NR2C1: variants seen among roughly 807,000 people sequenced by gnomAD.
The protein encoded by NR2C1 is TR2 nuclear hormone receptor.
Under a neutral mutation model 74.8 loss-of-function variants are expected in NR2C1, and 33 were observed. The observed-to-expected ratio is 0.44, with a 90% CI of 0.33 to 0.59. The LOEUF (loss-of-function observed/expected upper bound fraction) is 0.59, where lower values mean the gene tolerates loss of function less well. Among genes scored for constraint, NR2C1 ranks in the 20% least tolerant of loss-of-function variants. The pLI, the probability that NR2C1 is intolerant of heterozygous loss-of-function variation, is 0.02. For missense variants in NR2C1, 568 were observed against 715.6 expected (o/e 0.79, Z 2.35); for synonymous variants, 225 against 240.6 (o/e 0.94, Z 0.60).
chr12:95,068,273 A>T (rs1469946946), intron 1 of NR2C1, among the ~76,000 whole-genome samples: 1 of 152,154 alleles, frequency 6.6e-6, no homozygotes, highest in East Asian at 1.9e-4. Flanking sequence ...GGATTACGGT[A>T]CACTCTAATG....
At position 95,028,941 on chromosome 12, in the gene NR2C1, A is replaced by G. The variant is rs374122486; in HGVS notation, c.1394-417T>C. On this transcript the variant is annotated intron_variant, in intron 11 of 13. Transcript: ENST00000333003. Reference sequence around the variant, plus strand: ...ACTGTGCCTGGCCTTCCTCTCATGAATTTCAAGCTTTGAGTATAACCAATC... The same window carrying G: ...ACTGTGCCTGGCCTTCCTCTCATGAGTTTCAAGCTTTGAGTATAACCAATC... 5.9e-5 allele frequency among the ~76,000 whole-genome samples: 9 copies of G among 151,724 alleles called. No homozygotes were observed. The East Asian group carries it at 7.8e-4, about 13-fold the overall frequency.
chr12:95,060,539 C>T (rs1252417475), intron 3 of NR2C1, among the ~76,000 whole-genome samples: 1 of 152,118 alleles, frequency 6.6e-6, no homozygotes, highest in African/African-American at 2.4e-5. Context: ...CCTGTAATCC[C>T]AGCTACTTGG....
At chr12:95,043,689 C>CAAAAAAA (rs34229669) in intron 9 of NR2C1, among the ~76,000 whole-genome samples, 5 of 94,286 alleles carry the variant, frequency 5.3e-5, no homozygotes, top group African/African-American at 1.6e-4. Flanking sequence ...GACTCTGTCT[C>CAAAAAAA]AAAAAAAAAA....
intron 5 of NR2C1, 79 bp downstream of exon 5, chr12:95,058,231 C>T: frequency 8.0e-7 from 1 of 1,254,974 alleles, no homozygotes; most frequent in Non-Finnish European, 1.1e-6. Context: ...ACATATTTGA[C>T]ATATTTTGTT....
chr12:95,045,111 C>G (rs1872145003), intron 9 of NR2C1, among the ~76,000 whole-genome samples: 4 of 152,150 alleles, frequency 2.6e-5, no homozygotes, highest in Admixed American at 6.5e-5. Context: ...ATCACTTCGC[C>G]TAATTACCAG....
chr12:95,038,310 A>C (rs1871112606), intron 10 of NR2C1, among the ~76,000 whole-genome samples: 2 of 152,252 alleles, frequency 1.3e-5, no homozygotes, highest in Non-Finnish European at 2.9e-5. Flanking sequence ...TGGTGTAAAT[A>C]ATTCAAGGAG....
intron 7 of NR2C1, among the ~76,000 whole-genome samples, chr12:95,055,961 A>T (rs1873789104): frequency 6.6e-6 from 1 of 151,028 alleles, no homozygotes; most frequent in Admixed American, 6.6e-5. Flanking sequence ...TCAAAAAAAA[A>T]AAAAAAAAAA....
chr12:95,034,269 C>G (rs1870534690), intron 10 of NR2C1, among the ~76,000 whole-genome samples: 1 of 151,964 alleles, frequency 6.6e-6, no homozygotes, highest in Non-Finnish European at 1.5e-5. Flanking sequence ...GGATCACTGG[C>G]CACAAGAAAC....
At chr12:95,071,201 CAAA>C (rs779085122) in intron 1 of NR2C1, among the ~76,000 whole-genome samples, 3 of 94,016 alleles carry the variant, frequency 3.2e-5, no homozygotes, top group Admixed American at 1.2e-4. Flanking sequence ...AACTCCGTCT[CAAA>C]AAAAAAAAAA....
chr12:95,022,819 C>G (rs1868916742), intron 13 of NR2C1, among the ~76,000 whole-genome samples: 1 of 151,834 alleles, frequency 6.6e-6, no homozygotes, highest in African/African-American at 2.4e-5. Flanking sequence ...CTCAGCCTCC[C>G]AAGTAGCTGT....
At chr12:95,023,736 C>T (rs1869025818) in intron 13 of NR2C1, among the ~76,000 whole-genome samples, 1 of 152,120 alleles carries the variant, frequency 6.6e-6, no homozygotes, top group African/African-American at 2.4e-5. Context: ...TTGAAAACTA[C>T]TATCCAAGGA....
chr12:95,052,489 C>G (rs562732606), intron 7 of NR2C1, among the ~76,000 whole-genome samples: 2 of 152,242 alleles, frequency 1.3e-5, no homozygotes, highest in African/African-American at 2.4e-5. Flanking sequence ...CAAGGTCTCC[C>G]TTTGTCACCC....
In NR2C1 at chr12:95,036,032, C is replaced by T. The variant is rs1870775101; in HGVS notation, c.1253+4444G>A. ...TGAACCTTTATGCTCCTTTAAACCT[C>T]ATTACACAATTTAGCAAGTGAAATG... On this transcript the variant is annotated intron_variant, in intron 10 of 13. Transcript: ENST00000333003. Among the ~76,000 whole-genome samples the T allele has an allele frequency of 2.6e-5, 4 of 152,182 alleles. No homozygotes were observed. The South Asian group carries it at 8.3e-4, about 32-fold the overall frequency.
intron 1 of NR2C1, among the ~76,000 whole-genome samples, chr12:95,071,486 G>C (rs138398414): frequency 2.0e-5 from 3 of 152,190 alleles, no homozygotes; most frequent in African/African-American, 4.8e-5. Flanking sequence ...CCCAAGAGTA[G>C]GGATTATACA....
At chr12:95,042,395 TAG>T (rs1871667008) in intron 9 of NR2C1, among the ~76,000 whole-genome samples, 1 of 151,908 alleles carries the variant, frequency 6.6e-6, no homozygotes, top group South Asian at 2.1e-4. Context: ...GTATTTTTAG[TAG>T]AGACGGGGTT....
intron 9 of NR2C1, among the ~76,000 whole-genome samples, chr12:95,046,358 A>G (rs1395019084): frequency 6.6e-6 from 1 of 152,186 alleles, no homozygotes; most frequent in Non-Finnish European, 1.5e-5. Context: ...GGCCGAAGTG[A>G]GAGGATCACT....
intron 9 of NR2C1, among the ~76,000 whole-genome samples, chr12:95,045,812 C>G (rs1363207063): frequency 6.6e-6 from 1 of 151,824 alleles, no homozygotes; most frequent in Non-Finnish European, 1.5e-5. Flanking sequence ...TGAAATCATA[C>G]CAAAAATTAT....
At chr12:95,024,205 C>T (rs1470113676) in intron 13 of NR2C1, among the ~76,000 whole-genome samples, 3 of 151,846 alleles carry the variant, frequency 2.0e-5, no homozygotes, top group African/African-American at 7.3e-5. Flanking sequence ...TTGAAGTATG[C>T]CAAACTAATA....
At position 95,050,934 on chromosome 12, in the gene NR2C1, T is replaced by TG. The variant is rs561371096; in HGVS notation, c.965+827dup. The stretch of plus-strand genomic sequence containing the variant: ...TAGAAATTGAGGAGCAGGATCAATA[T>TG]GATTGCCTAGAAAGACAAGTGTTTC... On this transcript the variant is annotated intron_variant, in intron 8 of 13. Transcript: ENST00000333003. Among the ~76,000 whole-genome samples the TG allele has an allele frequency of 3.3e-5, 5 of 152,194 alleles. No homozygotes were observed. The South Asian group carries it at 1.0e-3, about 31-fold the overall frequency.
Sources: gnomAD v4.1 joint callset for allele counts (sites outside exome capture counted in the v4.1 genomes callset) on GRCh38, gnomAD v4.1.1 for gene constraint, MANE v1.5 for transcripts, NCBI Gene and HGNC (gene_info 2026-07-23, HGNC 2026-07-21) for gene names.